The following GRAMD1B variants were observed in gnomAD, a reference collection of about 807,000 sequenced individuals.
The protein encoded by GRAMD1B is protein Aster-B.
Under a neutral mutation model 99.7 loss-of-function variants are expected in GRAMD1B, and 37 were observed. The ratio of observed to expected loss-of-function variants is 0.37; its 90% CI spans 0.29 to 0.49. The LOEUF (loss-of-function observed/expected upper bound fraction) is 0.49. GRAMD1B is among the 20% of genes least tolerant of loss of function. The pLI is 0.98. For synonymous variants in GRAMD1B, 427 were observed against 387.6 expected (o/e 1.10, Z -1.19); for missense variants, 888 against 1,009.2 (o/e 0.88, Z 1.63).
At chr11:123,519,087 G>A (rs908463436) in intron 2 of GRAMD1B, among the ~76,000 whole-genome samples, 4 of 152,222 alleles carry the variant, frequency 2.6e-5, no homozygotes, top group African/African-American at 9.6e-5. Context: ...TGCCTGCCCT[G>A]CACAGCGCTG....
At chr11:123,373,252 G>C (rs559046261) in intron 1 of GRAMD1B, among the ~76,000 whole-genome samples, 1 of 152,218 alleles carries the variant, frequency 6.6e-6, no homozygotes. Flanking sequence ...TTGAGCAGCA[G>C]TAAGGTTTAC....
intron 1 of GRAMD1B, among the ~76,000 whole-genome samples, chr11:123,461,765 C>G (rs1444291823): frequency 1.3e-5 from 2 of 151,310 alleles, no homozygotes; most frequent in Admixed American, 6.6e-5. Context: ...CCACCACACT[C>G]GGCTAATTTT....
chr11:123,392,419 C>T (rs1947314116), intron 1 of GRAMD1B, among the ~76,000 whole-genome samples: 1 of 151,302 alleles, frequency 6.6e-6, no homozygotes, highest in Non-Finnish European at 1.5e-5. Flanking sequence ...ATATCTTATC[C>T]CTGGGCAGAG....
At chr11:123,617,060 G>A (rs1031037976) in intron 17 of GRAMD1B, among the ~76,000 whole-genome samples, 4 of 152,106 alleles carry the variant, frequency 2.6e-5, no homozygotes, top group Non-Finnish European at 4.4e-5. Context: ...TGACACACAC[G>A]GTACCACTTG....
intron 2 of GRAMD1B, among the ~76,000 whole-genome samples, chr11:123,499,955 G>C (rs1381291897): frequency 1.3e-5 from 2 of 152,196 alleles, no homozygotes; most frequent in African/African-American, 4.8e-5. Context: ...AAATGAAACA[G>C]ATCTATTGTC....
At chr11:123,543,437 T>C (rs1037214314) in intron 2 of GRAMD1B, among the ~76,000 whole-genome samples, 3 of 152,192 alleles carry the variant, frequency 2.0e-5, no homozygotes, top group African/African-American at 7.2e-5. Context: ...AGGACATTGG[T>C]GTGGACACCT....
intron 2 of GRAMD1B, among the ~76,000 whole-genome samples, chr11:123,544,533 A>C (rs1944874267): frequency 6.6e-6 from 1 of 151,504 alleles, no homozygotes; most frequent in African/African-American, 2.4e-5. Context: ...TTTTGACCCC[A>C]CCCCTCCTCC....
chr11:123,557,842 G>A (rs574398836), intron 2 of GRAMD1B, among the ~76,000 whole-genome samples: 3 of 152,208 alleles, frequency 2.0e-5, no homozygotes, highest in Admixed American at 1.3e-4. Context: ...AAGAAGTAAA[G>A]TCCCCTCAAA....
chr11:123,385,356 G>T (rs979869902), intron 1 of GRAMD1B, among the ~76,000 whole-genome samples: 3 of 152,236 alleles, frequency 2.0e-5, no homozygotes, highest in East Asian at 3.9e-4. Flanking sequence ...TTCTTGAGCA[G>T]ATATGACCAT....
In GRAMD1B at chr11:123,403,445, G is replaced by GATGATGATA. The variant is rs1185366299; in HGVS notation, c.-176+44651_-176+44652insGATAATGAT. 2.4e-3 allele frequency among the ~76,000 whole-genome samples: 300 copies of GATGATGATA among 123,838 alleles called. 1 individual carries two copies. The highest frequency in any genetic ancestry group is 0.011 in the African/African-American group (292 of 27,130). 81.2% of individuals were successfully genotyped at this position (123,838 alleles called of 152,430 possible). ...TCAGTCTCAAAATAATGATGATGAT[G>GATGATGATA]ATGATAATAATAATAATAATAATAA... On this transcript the variant is annotated intron_variant, in intron 1 of 20. Coordinates refer to the GRAMD1B transcript ENST00000638157.
At chr11:123,466,634 A>G (rs948618853) in intron 1 of GRAMD1B, among the ~76,000 whole-genome samples, 3 of 152,142 alleles carry the variant, frequency 2.0e-5, no homozygotes, top group Non-Finnish European at 4.4e-5. Context: ...GAGATTTTCC[A>G]CAGGCAGGAA....
At position 123,463,901 on chromosome 11, in the gene GRAMD1B, A is replaced by G. The variant is rs1403451551; in HGVS notation, c.375-16915A>G. ...GGAAGAGCTTTCTGCTGGGGAAGTC[A>G]GTTTCATGTAGTAAGGCCTTGTGTG... is the stretch of plus-strand genomic sequence containing the variant. On this transcript the variant is annotated intron_variant, in intron 1 of 19. Coordinates refer to ENST00000635736, the MANE Select transcript of GRAMD1B (RefSeq NM_001387025.1). Among the ~76,000 whole-genome samples, 4 of 152,228 alleles carry G rather than the reference A, an allele frequency of 2.6e-5. No homozygotes were observed. In the East Asian group the frequency reaches 7.7e-4, roughly 29 times the overall value.
intron 2 of GRAMD1B, among the ~76,000 whole-genome samples, chr11:123,544,198 G>C (rs1944834893): frequency 2.0e-5 from 3 of 152,200 alleles, no homozygotes; most frequent in Non-Finnish European, 2.9e-5. Context: ...ACATGGAGTG[G>C]CTAGTGCCCT....
intron 2 of GRAMD1B, among the ~76,000 whole-genome samples, chr11:123,529,575 C>T (rs1476164434): frequency 6.6e-6 from 1 of 152,154 alleles, no homozygotes; most frequent in Non-Finnish European, 1.5e-5. Context: ...GTGGAGGAGA[C>T]TGAGAGAGGA....
At chr11:123,425,304 C>T (rs886466324), upstream of GRAMD1B, among the ~76,000 whole-genome samples, 2 of 152,178 alleles carry the variant, frequency 1.3e-5, no homozygotes, top group African/African-American at 4.8e-5. Context: ...AATTCCAGCA[C>T]ATGCCACCTG....
intron 3 of GRAMD1B, among the ~76,000 whole-genome samples, chr11:123,580,512 TG>T (rs1213250909): frequency 6.6e-6 from 1 of 152,194 alleles, no homozygotes; most frequent in Non-Finnish European, 1.5e-5. Context: ...TGCTTCTCCC[TG>T]GGGTCAGGTC....
At chr11:123,466,284 G>A (rs1344397429) in intron 1 of GRAMD1B, among the ~76,000 whole-genome samples, 1 of 142,776 alleles carries the variant, frequency 7.0e-6, no homozygotes, top group Admixed American at 7.6e-5. Flanking sequence ...AAGGAAGGAA[G>A]GAAGGAAAAG....
intron 2 of GRAMD1B, among the ~76,000 whole-genome samples, chr11:123,541,064 C>G (rs1944467359): frequency 6.6e-6 from 1 of 152,130 alleles, no homozygotes; most frequent in Non-Finnish European, 1.5e-5. Context: ...ACCTCCGCCT[C>G]CCGGGTTCAA....
chr11:123,403,466 A>G (rs1209582236), intron 1 of GRAMD1B, among the ~76,000 whole-genome samples: 73 of 147,322 alleles, frequency 5.0e-4, no homozygotes, highest in African/African-American at 1.7e-3. Context: ...TAATAATAAT[A>G]ATAATAATAA....
Sources: gnomAD v4.1 joint callset for allele counts (sites outside exome capture counted in the v4.1 genomes callset) on GRCh38, gnomAD v4.1.1 for gene constraint, MANE v1.5 for transcripts, NCBI Gene and HGNC (gene_info 2026-07-23, HGNC 2026-07-21) for gene names.